The following TPRG1 variants were observed in gnomAD, a reference collection of about 807,000 sequenced individuals.
TPRG1 encodes tumor protein p63-regulated gene 1 protein.
Under a neutral mutation model 29.3 loss-of-function variants are expected in TPRG1, and 29 were observed. The observed-to-expected ratio is 0.99, with a 90% CI of 0.74 to 1.35. TPRG1 has a LOEUF of 1.35. TPRG1 is among the 40% of genes most tolerant of loss of function. TPRG1 has a pLI of 0.00. For synonymous variants in TPRG1, 130 were observed against 116.8 expected (o/e 1.11, Z -0.73); for missense variants, 327 against 335.0 (o/e 0.98, Z 0.19).
chr3:189,265,718 C>A (rs1713945836), intron 4 of TPRG1, among the ~76,000 whole-genome samples: 2 of 152,168 alleles, frequency 1.3e-5, no homozygotes, highest in Non-Finnish European at 2.9e-5. Flanking sequence ...CTTCCTACTC[C>A]CCCTCCTTCT....
rs540215721 is a variant in TPRG1, at chr3:189,321,934, T to A, written c.*1114T>A. On this transcript the variant is annotated 3_prime_UTR_variant, in exon 6 of 6. Transcript: ENST00000345063. ...GTTTTCAAAAACACTGTCTTAACACTCTATTGTCATTGCTCTTTTCCCTCT... is the reference window on the plus strand; with the variant it reads ...GTTTTCAAAAACACTGTCTTAACACACTATTGTCATTGCTCTTTTCCCTCT... The A allele has an allele frequency of 1.1e-3, 167 of 152,210 alleles. 1 individual carries two copies. The highest frequency in any genetic ancestry group is 3.9e-3 in the African/African-American group (161 of 41,534). The allele number at this position is 152,210 out of a possible 1,614,324, so 9.4% of individuals were successfully genotyped here. A position where few individuals can be genotyped will look rare whatever the true frequency, so the allele number is the denominator to read the frequency against.
At chr3:189,152,086 G>A (rs1726011582) in intron 5 of TPRG1, among the ~76,000 whole-genome samples, 1 of 152,114 alleles carries the variant, frequency 6.6e-6, no homozygotes, top group Admixed American at 6.5e-5. Context: ...GACTGCAGGA[G>A]CTAGAGCACA....
At chr3:189,311,321 CTTT>C (rs1722445912) in intron 5 of TPRG1, among the ~76,000 whole-genome samples, 1 of 152,088 alleles carries the variant, frequency 6.6e-6, no homozygotes, top group African/African-American at 2.4e-5. Context: ...TTTATGTTTA[CTTT>C]TATATTCTGT....
At chr3:189,260,709 G>A (rs568684033) in intron 4 of TPRG1, among the ~76,000 whole-genome samples, 2 of 152,312 alleles carry the variant, frequency 1.3e-5, no homozygotes, top group Non-Finnish European at 2.9e-5. Context: ...TGCTGCAGAA[G>A]CCAGGTCCAG....
At chr3:189,081,138 G>A (rs1419662170) in intron 4 of TPRG1, among the ~76,000 whole-genome samples, 1 of 152,144 alleles carries the variant, frequency 6.6e-6, no homozygotes, top group Non-Finnish European at 1.5e-5. Flanking sequence ...GAAGATGATA[G>A]CAAAATATGA....
intron 3 of TPRG1, among the ~76,000 whole-genome samples, chr3:189,023,114 T>C (rs1278887118): frequency 6.6e-6 from 1 of 152,326 alleles, no homozygotes; most frequent in South Asian, 2.1e-4. Flanking sequence ...CCCACTGACC[T>C]GCGCCCACTG....
At chr3:189,177,046 C>G (rs1029601581) in intron 1 of TPRG1, among the ~76,000 whole-genome samples, 3 of 152,050 alleles carry the variant, frequency 2.0e-5, no homozygotes, top group Non-Finnish European at 4.4e-5. Context: ...AAGAGAGATT[C>G]TTAGGGAGTT....
chr3:189,320,404 A>G (rs1048960518), intron 5 of TPRG1, among the ~76,000 whole-genome samples: 2 of 152,122 alleles, frequency 1.3e-5, no homozygotes, highest in African/African-American at 2.4e-5. Context: ...TGACATTAAG[A>G]AGCAAAATTG....
chr3:189,188,485 T>C (rs1020245092), intron 1 of TPRG1, among the ~76,000 whole-genome samples: 1 of 152,162 alleles, frequency 6.6e-6, no homozygotes, highest in East Asian at 1.9e-4. Context: ...TACTATCCTG[T>C]CTCCCAGCCC....
chr3:189,178,816 A>G (rs1729837167), intron 1 of TPRG1, among the ~76,000 whole-genome samples: 1 of 152,364 alleles, frequency 6.6e-6, no homozygotes, highest in East Asian at 1.9e-4. Context: ...TTACTTAGCC[A>G]TGGTTTAAGG....
At chr3:189,205,205 T>C (rs906780273) in intron 1 of TPRG1, among the ~76,000 whole-genome samples, 1 of 152,168 alleles carries the variant, frequency 6.6e-6, no homozygotes, top group Non-Finnish European at 1.5e-5. Context: ...CTCAGAAAGA[T>C]GGGGAAAGAC....
At chr3:189,228,146 A>T (rs1003348038) in intron 3 of TPRG1, among the ~76,000 whole-genome samples, 6 of 152,186 alleles carry the variant, frequency 3.9e-5, no homozygotes, top group Non-Finnish European at 7.3e-5. Flanking sequence ...AGCAACAACG[A>T]CGACAACAAC....
intron 4 of TPRG1, among the ~76,000 whole-genome samples, chr3:189,035,175 A>G (rs1714181149): frequency 6.6e-6 from 1 of 152,206 alleles, no homozygotes; most frequent in Non-Finnish European, 1.5e-5. Context: ...CAACAATAAC[A>G]AGTAATAAGG....
intron 4 of TPRG1, among the ~76,000 whole-genome samples, chr3:189,072,740 G>A (rs1181488896): frequency 3.3e-5 from 5 of 151,720 alleles, no homozygotes; most frequent in East Asian, 3.9e-4. Context: ...CTTGCCTATC[G>A]TTCTCTTTAT....
chr3:189,168,755 C>T (rs1013107988), upstream of TPRG1, among the ~76,000 whole-genome samples: 4 of 152,188 alleles, frequency 2.6e-5, no homozygotes, highest in Non-Finnish European at 5.9e-5. Flanking sequence ...CCAAAAGACT[C>T]CTGGGACAAG....
chr3:189,101,585 T>C (rs942410998), intron 1 of TPRG1, among the ~76,000 whole-genome samples: 1 of 152,092 alleles, frequency 6.6e-6, no homozygotes, highest in African/African-American at 2.4e-5. Context: ...ACCATCATTC[T>C]GGATGGTCAA....
At chr3:189,191,108 C>A in intron 1 of TPRG1, 1 of 299,486 alleles carries the variant, frequency 3.3e-6, no homozygotes, top group Non-Finnish European at 4.9e-6. Flanking sequence ...TCAAATATGA[C>A]CATATTTATA....
intron 2 of TPRG1, among the ~76,000 whole-genome samples, chr3:189,208,590 G>T (rs1734774571): frequency 6.6e-6 from 1 of 152,190 alleles, no homozygotes; most frequent in Non-Finnish European, 1.5e-5. Context: ...GTGTGCCTGT[G>T]TGAGTCTGTG....
At chr3:189,312,189 C>T (rs35925249) in intron 5 of TPRG1, among the ~76,000 whole-genome samples, 1,972 of 33,538 alleles carry the variant, frequency 0.059, 49 homozygotes, top group East Asian at 0.15. Context: ...TTCTTTTTTT[C>T]TTTCTTTCTT....
Sources: gnomAD v4.1 joint callset for allele counts (sites outside exome capture counted in the v4.1 genomes callset) on GRCh38, gnomAD v4.1.1 for gene constraint, MANE v1.5 for transcripts, NCBI Gene and HGNC (gene_info 2026-07-23, HGNC 2026-07-21) for gene names.